The following FRMD3 variants were observed in gnomAD, a reference collection of about 807,000 sequenced individuals.
FRMD3 encodes the protein FERM domain-containing protein 3.
A neutral mutation model predicts 70.2 loss-of-function variants in FRMD3; 33 were observed. The ratio of observed to expected loss-of-function variants is 0.47; its 90% CI spans 0.36 to 0.63. The LOEUF is 0.63. FRMD3 is among the 20% of genes least tolerant of loss of function. The pLI, the probability that FRMD3 is intolerant of heterozygous loss-of-function variation, is 0.00. For synonymous variants in FRMD3, 279 were observed against 255.9 expected (o/e 1.09, Z -0.86); for missense variants, 632 against 711.4 (o/e 0.89, Z 1.27).
intron 2 of FRMD3, among the ~76,000 whole-genome samples, chr9:83,377,165 GC>G (rs2131267425): frequency 6.6e-6 from 1 of 152,140 alleles, no homozygotes; most frequent in South Asian, 2.1e-4. Flanking sequence ...AGTTTGGGAG[GC>G]TTTGAACTAC....
At chr9:83,390,254 C>A (rs138939744) in intron 1 of FRMD3, among the ~76,000 whole-genome samples, 1 of 152,236 alleles carries the variant, frequency 6.6e-6, no homozygotes, top group African/African-American at 2.4e-5. Flanking sequence ...GCCAGGCCAA[C>A]TGGCTGCAGT....
intron 1 of FRMD3, among the ~76,000 whole-genome samples, chr9:83,475,677 A>T (rs1448301894): frequency 2.6e-5 from 4 of 152,216 alleles, no homozygotes; most frequent in African/African-American, 9.6e-5. Flanking sequence ...AAACATATTT[A>T]TAATAATAAG....
At chr9:83,532,072 T>G (rs1466734228) in intron 1 of FRMD3, among the ~76,000 whole-genome samples, 1 of 152,230 alleles carries the variant, frequency 6.6e-6, no homozygotes, top group Non-Finnish European at 1.5e-5. Context: ...TCTCACTATG[T>G]GCCAGGTACT....
intron 13 of FRMD3, among the ~76,000 whole-genome samples, chr9:83,284,358 C>T (rs1002507876): frequency 3.3e-5 from 5 of 152,050 alleles, no homozygotes; most frequent in African/African-American, 1.2e-4. Context: ...TCCTGTAATC[C>T]CAGCACTTTG....
At chr9:83,343,324 T>C in intron 4 of FRMD3, 37 bp from the exon 5 acceptor site, 1 of 1,446,210 alleles carries the variant, frequency 6.9e-7, no homozygotes, top group Non-Finnish European at 9.7e-7. Flanking sequence ...CTCTAACTTT[T>C]GGCTGAAGTC....
At chr9:83,362,211 A>ATCTCTC (rs1564035399) in intron 3 of FRMD3, among the ~76,000 whole-genome samples, 3 of 141,766 alleles carry the variant, frequency 2.1e-5, no homozygotes, top group African/African-American at 7.9e-5. Context: ...CTCTCTCTCA[A>ATCTCTC]TCTCAATCTC....
intron 1 of FRMD3, among the ~76,000 whole-genome samples, chr9:83,421,597 G>A (rs12343136): frequency 0.059 from 8,934 of 152,170 alleles, 395 homozygotes; most frequent in African/African-American, 0.12. Flanking sequence ...TAAGAAGATG[G>A]CCCTTCCATC....
intron 3 of FRMD3, among the ~76,000 whole-genome samples, chr9:83,366,481 G>A (rs1362364423): frequency 6.6e-6 from 1 of 152,064 alleles, no homozygotes; most frequent in Admixed American, 6.5e-5. Flanking sequence ...GCTGAGGCAG[G>A]AGAATTGCTT....
chr9:83,477,673 C>T (rs866922480), intron 1 of FRMD3, among the ~76,000 whole-genome samples: 18 of 152,236 alleles, frequency 1.2e-4, no homozygotes, highest in African/African-American at 4.1e-4. Flanking sequence ...TTTGATTGAT[C>T]CTGGAGAGGA....
chr9:83,538,494 C>G (rs994175678), upstream of FRMD3: 34 of 318,452 alleles, frequency 1.1e-4, no homozygotes, highest in African/African-American at 6.0e-4. This position sits in a 1 kb window ranked among gnomAD's most constrained non-coding sequence, Gnocchi z 4.7. Context: ...CTCCCTCTGC[C>G]CGGGCTCGCT....
intron 1 of FRMD3, among the ~76,000 whole-genome samples, chr9:83,403,554 G>T (rs535366826): frequency 6.6e-6 from 1 of 152,156 alleles, no homozygotes; most frequent in Non-Finnish European, 1.5e-5. Context: ...GAGACCCCAC[G>T]AGAAGACGGA....
chr9:83,320,839 G>A (rs1835774076), intron 6 of FRMD3, among the ~76,000 whole-genome samples: 2 of 152,050 alleles, frequency 1.3e-5, no homozygotes, highest in Non-Finnish European at 1.5e-5. Flanking sequence ...TGTTGTTGTT[G>A]CTGAGAGATT....
chr9:83,394,082 G>A (rs1825747700), intron 1 of FRMD3, among the ~76,000 whole-genome samples: 1 of 151,948 alleles, frequency 6.6e-6, no homozygotes, highest in Non-Finnish European at 1.5e-5. Context: ...GGTTCTGTTT[G>A]GGATTTCTTT....
At chr9:83,507,654 A>C (rs1470247587) in intron 1 of FRMD3, among the ~76,000 whole-genome samples, 2 of 141,398 alleles carry the variant, frequency 1.4e-5, no homozygotes, top group Non-Finnish European at 3.1e-5. Context: ...TGGGCGACAC[A>C]GCGAAACTCC....
At chr9:83,558,736 G>A in the FRMD3 span, among the ~76,000 whole-genome samples, 1 of 152,186 alleles carries the variant, frequency 6.6e-6, no homozygotes, top group African/African-American at 2.4e-5. Context: ...ATGCCATTAA[G>A]AATATTTGTG....
chr9:83,344,824 A>AGAGTGTGTGTGTGT (rs376018449), intron 4 of FRMD3, among the ~76,000 whole-genome samples: 3 of 143,972 alleles, frequency 2.1e-5, no homozygotes, highest in African/African-American at 5.1e-5. Flanking sequence ...TGCATGTGTG[A>AGAGTGTGTGTGTGT]GTGTGTGTGT....
chr9:83,446,646 C>CAAAAAAA (rs780150860), intron 1 of FRMD3, among the ~76,000 whole-genome samples: 1 of 83,342 alleles, frequency 1.2e-5, no homozygotes. Context: ...GACTCGGTCT[C>CAAAAAAA]AAAAAAAAAA....
rs115963657 is a variant in FRMD3, at chr9:83,421,668, G to C, written c.148-31960C>G. ...CCCTTATAATAACTGATGGCAGTCA[G>C]GTAAACATTCTTGCCCTCTCCTCCC... is the stretch of plus-strand genomic sequence containing the variant. On this transcript the variant is annotated intron_variant, in intron 1 of 13. Transcript: ENST00000304195. Among the ~76,000 whole-genome samples, 450 of 152,286 alleles carry C rather than the reference G, an allele frequency of 3.0e-3. 1 individual carries two copies. The highest frequency in any genetic ancestry group is 0.01 in the African/African-American group (426 of 41,558).
chr9:83,337,112 C>T (rs1345187994), intron 5 of FRMD3, among the ~76,000 whole-genome samples: 1 of 152,134 alleles, frequency 6.6e-6, no homozygotes, highest in East Asian at 1.9e-4. Flanking sequence ...ACTATGCATG[C>T]CTGTGCCTTC....
Sources: gnomAD v4.1 joint callset for allele counts (sites outside exome capture counted in the v4.1 genomes callset) on GRCh38, gnomAD v4.1.1 for gene constraint, Gnocchi (gnomAD v3.1) non-coding constraint, MANE v1.5 for transcripts, NCBI Gene and HGNC (gene_info 2026-07-23, HGNC 2026-07-21) for gene names.